The following ZNF385B variants were observed in gnomAD, a reference collection of about 807,000 sequenced individuals.
ZNF385B encodes the protein zinc finger protein 533.
ZNF385B carries 23 observed loss-of-function variants against 39.2 expected under a neutral mutation model. That is an observed-to-expected ratio of 0.59 (90% CI 0.42 to 0.83). The LOEUF is 0.83. Among genes scored for constraint, ZNF385B ranks in the 40% least tolerant of loss-of-function variants. ZNF385B has a pLI of 0.00. For missense variants in ZNF385B, 552 were observed against 598.9 expected (o/e 0.92, Z 0.82); for synonymous variants, 205 against 222.6 (o/e 0.92, Z 0.70).
At chr2:179,675,335 T>C (rs1696603774) in intron 3 of ZNF385B, among the ~76,000 whole-genome samples, 1 of 152,210 alleles carries the variant, frequency 6.6e-6, no homozygotes, top group South Asian at 2.1e-4. Context: ...ACTGGCTTGC[T>C]GTCTCAGGCT....
rs1708609634 is a variant in ZNF385B at position 179,842,880 on chromosome 2, T to A, written c.-155+18221A>T. ...ACTGGGAAACATGCTTGGATTTGCA[T>A]TCTTAAAAGGAAACTGATGGACTAA... On this transcript the variant is annotated intron_variant, in intron 1 of 9. Transcript: ENST00000410066. 3.9e-5 allele frequency among the ~76,000 whole-genome samples: 6 copies of A among 152,312 alleles called. 1 individual carries two copies. The South Asian group carries it at 1.2e-3, about 32-fold the overall frequency.
intron 3 of ZNF385B, among the ~76,000 whole-genome samples, chr2:179,674,259 C>A (rs1177876089): frequency 2.0e-5 from 3 of 152,098 alleles, no homozygotes; most frequent in Non-Finnish European, 2.9e-5. Flanking sequence ...TCTCATGGAG[C>A]TTTTAATGTA....
At chr2:179,783,132 G>T (rs920646564) in intron 1 of ZNF385B, among the ~76,000 whole-genome samples, 4 of 152,024 alleles carry the variant, frequency 2.6e-5, no homozygotes, top group Non-Finnish European at 4.4e-5. Context: ...ACAAAAACAG[G>T]TGCTTTGACC....
At chr2:179,619,028 T>G (rs978744735) in intron 3 of ZNF385B, among the ~76,000 whole-genome samples, 5 of 152,098 alleles carry the variant, frequency 3.3e-5, no homozygotes, top group African/African-American at 1.2e-4. Context: ...ACAAAAAATT[T>G]TAAAACATGA....
chr2:179,493,526 T>TACATATATGCGTATACATATGTGTGC (rs1574427832), intron 5 of ZNF385B, among the ~76,000 whole-genome samples: 1 of 151,234 alleles, frequency 6.6e-6, no homozygotes, highest in East Asian at 1.9e-4. Flanking sequence ...CATATGTGTG[T>TACATATATGCGTATACATATGTGTGC]ACATATATGC....
intron 3 of ZNF385B, among the ~76,000 whole-genome samples, chr2:179,629,065 G>T (rs1690941237): frequency 6.6e-6 from 1 of 152,014 alleles, no homozygotes; most frequent in African/African-American, 2.4e-5. Flanking sequence ...TTTTTGACAT[G>T]ACCCCAGTAT....
intron 3 of ZNF385B, among the ~76,000 whole-genome samples, chr2:179,591,759 G>C (rs1203724768): frequency 6.6e-6 from 1 of 151,978 alleles, no homozygotes; most frequent in African/African-American, 2.4e-5. Context: ...TGTGTGGACT[G>C]TCCTCATTAA....
chr2:179,516,304 G>T (rs2058085781), intron 5 of ZNF385B, among the ~76,000 whole-genome samples: 1 of 152,068 alleles, frequency 6.6e-6, no homozygotes, highest in South Asian at 2.1e-4. Flanking sequence ...GGGACTGCTG[G>T]ATCATATGGG....
chr2:179,577,742 T>C (rs1358277908), intron 3 of ZNF385B, among the ~76,000 whole-genome samples: 1 of 152,042 alleles, frequency 6.6e-6, no homozygotes, highest in African/African-American at 2.4e-5. Flanking sequence ...ATACTAGTTA[T>C]GGCCACAGTA....
At chr2:179,666,144 G>C (rs1004882848) in intron 3 of ZNF385B, among the ~76,000 whole-genome samples, 2 of 152,122 alleles carry the variant, frequency 1.3e-5, no homozygotes, top group East Asian at 3.9e-4. Context: ...AAGATTTTAA[G>C]ATTTGCTCCC....
intron 3 of ZNF385B, among the ~76,000 whole-genome samples, chr2:179,670,664 A>G (rs1695863110): frequency 6.6e-6 from 1 of 152,242 alleles, no homozygotes; most frequent in Non-Finnish European, 1.5e-5. Flanking sequence ...CATACCACTG[A>G]AAAGGCATCC....
intron 1 of ZNF385B, among the ~76,000 whole-genome samples, chr2:179,782,678 A>C (rs969026199): frequency 6.6e-6 from 1 of 152,214 alleles, no homozygotes; most frequent in Non-Finnish European, 1.5e-5. Context: ...GCATTCTTAT[A>C]CACCAATAAT....
intron 3 of ZNF385B, among the ~76,000 whole-genome samples, chr2:179,578,895 T>A (rs1239432959): frequency 6.6e-6 from 1 of 152,160 alleles, no homozygotes; most frequent in Non-Finnish European, 1.5e-5. Flanking sequence ...AATCTGAACA[T>A]TCTCTTACTT....
Position 179,630,747 on chromosome 2 carries a change from A to G in ZNF385B, c.299-85778T>C, listed in dbSNP as rs570681920. On this transcript the variant is annotated intron_variant, in intron 3 of 9. Coordinates refer to ENST00000410066, the MANE Select transcript of ZNF385B (RefSeq NM_152520.6). ...GAGCTAAAGGAGGGTGTTCGAACCC[A>G]TCGCAAGGAAGCTAAAAACCTTGAA... Among the ~76,000 whole-genome samples the G allele has an allele frequency of 1.2e-3, 185 of 152,342 alleles. 1 individual carries two copies. The highest frequency in any genetic ancestry group is 4.0e-3 in the Admixed American group (61 of 15,306).
Position 179,443,212 on chromosome 2 carries a change from C to T in ZNF385B, c.*38G>A, listed in dbSNP as rs769574029. On this transcript the variant is annotated 3_prime_UTR_variant, in exon 10 of 10. Transcript: ENST00000410066. ...GAATCCTTGTGGCTTTCTTTCTCAACTTCCTACTGGCCTCAAACGTCTTGG... is the reference window on the plus strand; with the variant it reads ...GAATCCTTGTGGCTTTCTTTCTCAATTTCCTACTGGCCTCAAACGTCTTGG... 2 of 1,610,060 alleles carry T rather than the reference C, an allele frequency of 1.2e-6. No homozygotes were observed.
intron 6 of ZNF385B, among the ~76,000 whole-genome samples, chr2:179,477,029 C>G (rs1335813664): frequency 6.6e-6 from 1 of 152,132 alleles, no homozygotes; most frequent in Admixed American, 6.5e-5. Context: ...CATTCAACAT[C>G]ACAAGGTCCT....
At chr2:179,586,809 C>T (rs1004500669) in intron 3 of ZNF385B, among the ~76,000 whole-genome samples, 116 of 152,242 alleles carry the variant, frequency 7.6e-4, no homozygotes, top group Non-Finnish European at 1.3e-3. Context: ...GAGGCCGAGG[C>T]GGGCGGATCA....
intron 5 of ZNF385B, among the ~76,000 whole-genome samples, chr2:179,492,169 T>A (rs752342418): frequency 9.2e-5 from 14 of 152,216 alleles, no homozygotes; most frequent in Non-Finnish European, 2.1e-4. Context: ...CTCAGCTACT[T>A]TGACATACAA....
At chr2:179,462,498 A>T (rs963466587) in intron 6 of ZNF385B, among the ~76,000 whole-genome samples, 10 of 152,190 alleles carry the variant, frequency 6.6e-5, no homozygotes, top group Non-Finnish European at 1.5e-4. Flanking sequence ...TACACATTTG[A>T]CAAAATACAA....
Sources: gnomAD v4.1 joint callset for allele counts (sites outside exome capture counted in the v4.1 genomes callset) on GRCh38, gnomAD v4.1.1 for gene constraint, MANE v1.5 for transcripts, NCBI Gene and HGNC (gene_info 2026-07-23, HGNC 2026-07-21) for gene names.